IL5: variants seen among roughly 807,000 people sequenced by gnomAD.
IL5 encodes the protein interleukin-5.
In IL5, 12 loss-of-function variants were observed where a neutral mutation model predicts 16.3. That is an observed-to-expected ratio of 0.74 (90% CI 0.47 to 1.20). The LOEUF (loss-of-function observed/expected upper bound fraction) is 1.20, where lower values mean the gene tolerates loss of function less well. Ranked by LOEUF, IL5 falls within the 50% of genes most tolerant of loss-of-function variation. The pLI is 0.00. For missense variants in IL5, 159 were observed against 153.9 expected, an observed-to-expected ratio of 1.03 and a Z score of -0.17; for synonymous variants, 54 against 56.6, an observed-to-expected ratio of 0.95 and a Z score of 0.21.
At position 132,551,510 on chromosome 5, in the gene IL5, T is replaced by C. The variant is rs560506063; in HGVS notation, c.42+5164A>G. On this transcript the variant is annotated intron_variant, in intron 1 of 2. Coordinates refer to the IL5 transcript ENST00000450655. ...CCCAAATATGTGCATGTGAGGTGAA[T>C]TGGCATGTCTACATAGTCCCAGTCT... Among the ~76,000 whole-genome samples the C allele has an allele frequency of 2.7e-4, 41 of 152,192 alleles. No homozygotes were observed. In the East Asian group the frequency reaches 4.8e-3, roughly 18 times the overall value.
At chr5:132,550,931 C>A (rs1276439128) in intron 1 of IL5, among the ~76,000 whole-genome samples, 1 of 152,096 alleles carries the variant, frequency 6.6e-6, no homozygotes, top group Non-Finnish European at 1.5e-5. Context: ...AACAAAAATG[C>A]TAAATAGTGA....
chr5:132,543,693 T>C (rs1229815747), upstream of IL5: 1 of 397,396 alleles, frequency 2.5e-6, no homozygotes, highest in East Asian at 4.0e-5. Flanking sequence ...TAAAAATCCC[T>C]GTTTCCCCCC....
chr5:132,554,607 G>C (rs1190148100), intron 1 of IL5, among the ~76,000 whole-genome samples: 2 of 152,056 alleles, frequency 1.3e-5, no homozygotes, highest in Admixed American at 6.6e-5. Flanking sequence ...ATGTCAAATG[G>C]TACAACCACT....
In IL5 at chr5:132,542,037, T is replaced by G; in HGVS notation, c.284A>C (p.Lys95Thr). 1 of 1,614,066 alleles carries G rather than the reference T, an allele frequency of 6.2e-7. No individual in the cohort carries two copies. The highest frequency in any genetic ancestry group is 8.5e-7 in the Non-Finnish European group (1 of 1,179,948). Residue 95 changes from lysine to threonine, a missense_variant, in exon 3 of 4, where the codon AAG becomes ACG. Physicochemically the swap from Lys to Thr is moderately conservative, Grantham distance 78 (BLOSUM62 -1). Coordinates refer to ENST00000231454, the MANE Select transcript of IL5 (RefSeq NM_000879.3). ...TACTTTTTGGCCGTCAATGTATTTC[T>G]TTATTAAGGACAAGTTTTTGAATAG... Reference protein sequence around the residue: ...ERLFKNLSLIKKYIDGQKKKC... With the variant: ...ERLFKNLSLITKYIDGQKKKC...
upstream of IL5, among the ~76,000 whole-genome samples, chr5:132,544,634 G>A (rs1353462057): frequency 3.9e-5 from 6 of 152,108 alleles, no homozygotes; most frequent in Admixed American, 6.5e-5. Context: ...TACAAATGAG[G>A]CCCCCTCCTA....
At chr5:132,543,720 A>G, upstream of IL5, 1 of 337,112 alleles carries the variant, frequency 3.0e-6, no homozygotes, top group Non-Finnish European at 5.3e-6. Context: ...AACATTTTCT[A>G]TTACGAAGAA....
chr5:132,547,189 A>T (rs1289962409), upstream of IL5, among the ~76,000 whole-genome samples: 2 of 152,194 alleles, frequency 1.3e-5, no homozygotes, highest in Non-Finnish European at 1.5e-5. Flanking sequence ...GTGACTTTTT[A>T]AAAAAGAGAA....
chr5:132,542,769 G>A (rs936496198), intron 2 of IL5, among the ~76,000 whole-genome samples: 3 of 152,108 alleles, frequency 2.0e-5, no homozygotes, highest in African/African-American at 2.4e-5. Context: ...TCAGAAACAC[G>A]TTAGAGTGAG....
At chr5:132,544,666 C>G (rs1238390558), upstream of IL5, among the ~76,000 whole-genome samples, 2 of 152,188 alleles carry the variant, frequency 1.3e-5, no homozygotes, top group Non-Finnish European at 2.9e-5. Flanking sequence ...TCCTTTTTCC[C>G]TGGCCTGAAC....
rs1220908822 is a variant in IL5, at chr5:132,541,533, ATTAAG to A, written c.*273_*277del. 1.2e-5 allele frequency: 4 copies of A among 329,022 alleles called. No homozygotes were observed. Among genetic ancestry groups the A allele is most frequent in the African/African-American group, 4.4e-5 (2 of 45,886 alleles). 20.4% of individuals were successfully genotyped at this position (329,022 alleles called of 1,614,324 possible). A position where few individuals can be genotyped will look rare whatever the true frequency, so the allele number is the denominator to read the frequency against. On this transcript the variant is annotated 3_prime_UTR_variant, in exon 4 of 4. Transcript: ENST00000231454. ...AATTCTTAACCATTTCATAAATACT[ATTAAG>A]TTAACAGACATTTTACAGAATGTTA...
chr5:132,553,415 A>G lies in IL5; in HGVS notation c.42+3259T>C, dbSNP rs139406951. The stretch of plus-strand genomic sequence containing the variant: ...TGGGTACTTCATGCTAAGACCAGAG[A>G]CAAGCAATATCTTATCTCAGTGATT... On this transcript the variant is annotated intron_variant, in intron 1 of 2. Coordinates refer to the IL5 transcript ENST00000450655. Among the ~76,000 whole-genome samples the G allele has an allele frequency of 2.1e-3, 325 of 152,346 alleles. 3 individuals are homozygous for G. The highest frequency in any genetic ancestry group is 6.9e-3 in the African/African-American group (287 of 41,576).
upstream of IL5, among the ~76,000 whole-genome samples, chr5:132,547,728 G>C (rs1749815732): frequency 6.6e-6 from 1 of 152,180 alleles, no homozygotes; most frequent in Admixed American, 6.5e-5. Flanking sequence ...TAACAGTCTT[G>C]AAACTTCTCT....
intron 1 of IL5, among the ~76,000 whole-genome samples, chr5:132,551,409 G>A (rs1439330008): frequency 2.0e-5 from 3 of 152,142 alleles, no homozygotes; most frequent in Non-Finnish European, 4.4e-5. Context: ...TTAATTCTTG[G>A]CCAGGCTGTG....
At chr5:132,556,450 A>T (rs1374258861) in intron 1 of IL5, 2 of 167,284 alleles carry the variant, frequency 1.2e-5, no homozygotes, top group Admixed American at 6.5e-5. Flanking sequence ...ACACTAAAAA[A>T]TTACGGGGGA....
In IL5 at chr5:132,553,616, C is replaced by G. The variant is rs112230200; in HGVS notation, c.42+3058G>C. Among the ~76,000 whole-genome samples, 576 of 149,852 alleles carry G rather than the reference C, an allele frequency of 3.8e-3. 2 individuals are homozygous for G. The highest frequency in any genetic ancestry group is 0.012 in the South Asian group (54 of 4,656). ...TTTGCTTTTTTCTTCCTACTGATAT[C>G]CAAGTCTCCACAGTATTCATTTAAA... On this transcript the variant is annotated intron_variant, in intron 1 of 2. Transcript: ENST00000450655.
Position 132,549,027 on chromosome 5 carries a change from G to A in IL5, c.43-5901C>T, listed in dbSNP as rs1209836447. Among the ~76,000 whole-genome samples, 3 of 152,054 alleles carry A rather than the reference G, an allele frequency of 2.0e-5. No individual in the cohort carries two copies. In the East Asian group the frequency reaches 5.8e-4, roughly 29 times the overall value. ...CAAGAACCTATTGATGACATTAAGT[G>A]AGGATTACTATACTGTGGAAACTCA... is the stretch of plus-strand genomic sequence containing the variant. On this transcript the variant is annotated intron_variant, in intron 1 of 2. Coordinates refer to the IL5 transcript ENST00000450655.
rs202123043 is a variant in IL5 at position 132,541,495 on chromosome 5, T to C, written c.*316A>G. 1.8e-4 allele frequency: 46 copies of C among 261,424 alleles called. No homozygotes were observed. Among genetic ancestry groups the C allele is most frequent in the South Asian group, 4.5e-4 (8 of 17,622 alleles). 16.2% of individuals were successfully genotyped at this position (261,424 alleles called of 1,614,324 possible). A position where few individuals can be genotyped will look rare whatever the true frequency, so the allele number is the denominator to read the frequency against. ...AGAACACAACATAACATTAAATAAA[T>C]ACTAATTTACCAAATTCTTAACCAT... On this transcript the variant is annotated 3_prime_UTR_variant, in exon 4 of 4. Coordinates refer to ENST00000231454, the MANE Select transcript of IL5 (RefSeq NM_000879.3).
rs112047776 is a variant in IL5, at chr5:132,548,651, GTGTGTGTGCGTC to G, written c.43-5537_43-5526del. Among the ~76,000 whole-genome samples the G allele has an allele frequency of 2.3e-3, 346 of 152,260 alleles. 3 individuals are homozygous for G. The highest frequency in any genetic ancestry group is 7.1e-3 in the African/African-American group (296 of 41,536). ...CTACACAGTCCCAGTCTGTGAGTGTGTGTGTGTGCGTCTGTGTGTGCGTCTGTGTGCTCTGCA... is the reference window on the plus strand; with the variant it reads ...CTACACAGTCCCAGTCTGTGAGTGTGTGTGTGTGCGTCTGTGTGCTCTGCA... On this transcript the variant is annotated intron_variant, in intron 1 of 2. Transcript: ENST00000450655.
At chr5:132,547,812 G>A (rs1338889817), upstream of IL5, among the ~76,000 whole-genome samples, 1 of 152,188 alleles carries the variant, frequency 6.6e-6, no homozygotes, top group Admixed American at 6.5e-5. Context: ...GGTCAGGTCT[G>A]TAACCCCAGC....
Sources: allele counts gnomAD v4.1 joint callset (sites outside exome capture counted in the v4.1 genomes callset), GRCh38; gene constraint gnomAD v4.1.1; transcripts MANE v1.5; gene names NCBI Gene and HGNC (gene_info 2026-07-23, HGNC 2026-07-21).